FSD2: variants seen among roughly 807,000 people sequenced by gnomAD.
FSD2 encodes fibronectin type III and SPRY domain containing 2.
Under a neutral mutation model 80.4 loss-of-function variants are expected in FSD2, and 71 were observed. That is an observed-to-expected ratio of 0.88 (90% CI 0.73 to 1.08). FSD2 has a LOEUF of 1.08. Among genes scored for constraint, FSD2 ranks in the 50% least tolerant of loss-of-function variants. The pLI is 0.00. For missense variants in FSD2, 923 were observed against 913.8 expected, an observed-to-expected ratio of 1.01 and a Z score of -0.13; for synonymous variants, 361 against 329.5, an observed-to-expected ratio of 1.10 and a Z score of -1.03.
intron 1 of FSD2, among the ~76,000 whole-genome samples, chr15:82,791,411 C>T (rs766330527): frequency 6.6e-6 from 1 of 152,098 alleles, no homozygotes; most frequent in Non-Finnish European, 1.5e-5. Flanking sequence ...CCCTCTGTCA[C>T]CCAGGCTGGA....
At chr15:82,794,850 G>A (rs1052993992) in intron 1 of FSD2, among the ~76,000 whole-genome samples, 22 of 150,998 alleles carry the variant, frequency 1.5e-4, no homozygotes, top group Admixed American at 3.3e-4. Flanking sequence ...TCAGCCTCCC[G>A]AGTAGCTGGG....
intron 1 of FSD2, among the ~76,000 whole-genome samples, chr15:82,792,960 G>A (rs2050185625): frequency 6.6e-6 from 1 of 152,062 alleles, no homozygotes; most frequent in African/African-American, 2.4e-5. Context: ...AGAATGAGTT[G>A]GGAAGTGTTC....
intron 4 of FSD2, 49 bp from the exon 5 acceptor site, chr15:82,780,316 CT>C: frequency 7.8e-7 from 1 of 1,275,026 alleles, no homozygotes; most frequent in Admixed American, 2.9e-5. Context: ...AAATAAATTT[CT>C]TTTTTCTTTT....
Position 82,758,003 on chromosome 15 carries a change from G to A in FSD2, c.*1345C>T, listed in dbSNP as rs1019416734. 6.6e-6 allele frequency: 1 copy of A among 152,040 alleles called. No homozygotes were observed. Among genetic ancestry groups the A allele is most frequent in the African/African-American group, 2.4e-5 (1 of 41,398 alleles). The allele number at this position is 152,040 out of a possible 1,614,324, so 9.4% of individuals were successfully genotyped here. ...TCGGCTCACTGCAGCCTCTGCCCCCGGGTTCAAGCAATTCTCCTGCCTCAG... is the reference window on the plus strand; with the variant it reads ...TCGGCTCACTGCAGCCTCTGCCCCCAGGTTCAAGCAATTCTCCTGCCTCAG... On this transcript the variant is annotated 3_prime_UTR_variant, in exon 13 of 13. Transcript: ENST00000334574.
chr15:82,786,640 T>A (rs534442332), intron 2 of FSD2, 34 bp from the exon 3 acceptor site: 20 of 1,602,650 alleles, frequency 1.2e-5, no homozygotes, highest in Admixed American at 3.3e-5. Flanking sequence ...AAGGTATTAA[T>A]GTTACATCTT....
intron 1 of FSD2, among the ~76,000 whole-genome samples, chr15:82,791,280 G>A (rs1405690297): frequency 6.6e-6 from 1 of 152,202 alleles, no homozygotes; most frequent in Non-Finnish European, 1.5e-5. Flanking sequence ...TTACAGGCGT[G>A]AGCCACCGCA....
intron 1 of FSD2, among the ~76,000 whole-genome samples, chr15:82,794,222 T>G (rs1396490453): frequency 6.6e-6 from 1 of 152,214 alleles, no homozygotes; most frequent in Non-Finnish European, 1.5e-5. Context: ...TCCATTTTCA[T>G]TTCTTCTTTG....
chr15:82,795,032 C>T (rs968037183), intron 1 of FSD2, among the ~76,000 whole-genome samples: 1 of 152,056 alleles, frequency 6.6e-6, no homozygotes, highest in Non-Finnish European at 1.5e-5. Flanking sequence ...CAGATTGGCT[C>T]TTTTCTAATG....
intron 1 of FSD2, among the ~76,000 whole-genome samples, chr15:82,795,255 G>A (rs925652929): frequency 6.6e-5 from 10 of 151,990 alleles, no homozygotes; most frequent in African/African-American, 2.4e-4. Flanking sequence ...ATTTTTAATT[G>A]ATTCATTATG....
chr15:82,786,348 G>C (rs955396764), intron 3 of FSD2, among the ~76,000 whole-genome samples, 163 bp downstream of exon 3: 1 of 152,176 alleles, frequency 6.6e-6, no homozygotes, highest in African/African-American at 2.4e-5. Context: ...TCCATGCCCA[G>C]GTGCTATGGG....
At chr15:82,799,427 C>T (rs1459571341) in intron 1 of FSD2, among the ~76,000 whole-genome samples, 2 of 152,176 alleles carry the variant, frequency 1.3e-5, no homozygotes, top group Non-Finnish European at 2.9e-5. Flanking sequence ...TTCCCACTCT[C>T]CACTTGCTCT....
At position 82,759,567 on chromosome 15, in the gene FSD2, A is replaced by G; in HGVS notation, c.2031T>C (p.Thr677=). The stretch of plus-strand genomic sequence containing the variant: ...GTGGAACTGTTATTCTTATATCTGG[A>G]GTTGTTCTGTTGTGCAGAAATTCAT... ...HKYEFLHNRT[T]PDIRITVPPK... The change falls in exon 13 of 13, where the codon ACT becomes ACC. Residue 677 remains threonine (T), a synonymous_variant. Transcript: ENST00000334574. 1 of 1,599,728 alleles carries G rather than the reference A, an allele frequency of 6.3e-7. No individual in the cohort carries two copies. Among genetic ancestry groups the G allele is most frequent in the Non-Finnish European group, 8.5e-7 (1 of 1,172,106 alleles).
At chr15:82,761,693 T>C (rs1596225466) in intron 12 of FSD2, among the ~76,000 whole-genome samples, 1 of 151,018 alleles carries the variant, frequency 6.6e-6, no homozygotes, top group Admixed American at 6.6e-5. Flanking sequence ...TTATTTTTTT[T>C]TTTTTAGAGA....
chr15:82,770,723 A>G (rs2049546625), intron 7 of FSD2, among the ~76,000 whole-genome samples: 1 of 146,350 alleles, frequency 6.8e-6, no homozygotes, highest in African/African-American at 2.6e-5. Context: ...TAAGCCACTA[A>G]GTTGTAGGGG....
At position 82,783,025 on chromosome 15, in the gene FSD2, C is replaced by G; in HGVS notation, c.736G>C (p.Glu246Gln). The part of the protein sequence containing the change: ...HLEEVFITVE[E>Q]NFGKQEQNFE... ...TTTTGTTCTTGTTTTCCAAAATTCT[C>G]CTGCAAGACAGTTGATCTCAGTCAT... Residue 246 changes from glutamate to glutamine, a missense_variant and splice_region_variant, in exon 4 of 13, where the codon GAG becomes CAG. By Grantham distance (29) the Glu-to-Gln change is conservative. Coordinates refer to ENST00000334574, the MANE Select transcript of FSD2 (RefSeq NM_001007122.4). 1 of 1,602,564 alleles carries G rather than the reference C, an allele frequency of 6.2e-7. No individual in the cohort carries two copies. The highest frequency in any genetic ancestry group is 1.1e-5 in the South Asian group (1 of 89,954).
chr15:82,799,900 G>C (rs1465711031), intron 1 of FSD2, among the ~76,000 whole-genome samples: 1 of 152,138 alleles, frequency 6.6e-6, no homozygotes, highest in Middle Eastern at 3.2e-3. Flanking sequence ...TGCCCAGCTG[G>C]CCCGTGAGAG....
At chr15:82,804,226 C>A (rs2050478489) in intron 1 of FSD2, among the ~76,000 whole-genome samples, 1 of 151,982 alleles carries the variant, frequency 6.6e-6, no homozygotes, top group African/African-American at 2.4e-5. Context: ...GCAGAACAGC[C>A]TCATAACCAC....
chr15:82,759,592 T>C lies in FSD2; in HGVS notation c.2006A>G (p.Tyr669Cys). The change falls in exon 13 of 13, where the codon TAT becomes TGT. Residue 669 changes from tyrosine to cysteine, a missense_variant. Coordinates refer to ENST00000334574, the MANE Select transcript of FSD2 (RefSeq NM_001007122.4). ...RHTFASSRHK[Y>C]EFLHNRTTPD... ...AGTTGTTCTGTTGTGCAGAAATTCA[T>C]ACTTATGCCTGAAAATTAAATTTGA... 6.4e-7 allele frequency: 1 copy of C among 1,569,034 alleles called. No individual in the cohort carries two copies. The highest frequency in any genetic ancestry group is 8.6e-7 in the Non-Finnish European group (1 of 1,157,608).
chr15:82,801,761 A>G (rs891379610), intron 1 of FSD2, among the ~76,000 whole-genome samples: 1 of 152,152 alleles, frequency 6.6e-6, no homozygotes, highest in Admixed American at 6.5e-5. Flanking sequence ...AACTCTTCAC[A>G]TGGAAGATAG....
Sources: gnomAD v4.1 joint callset for allele counts (sites outside exome capture counted in the v4.1 genomes callset) on GRCh38, gnomAD v4.1.1 for gene constraint, MANE v1.5 for transcripts, NCBI Gene and HGNC (gene_info 2026-07-23, HGNC 2026-07-21) for gene names.